The following PHF21B variants were observed in gnomAD, a reference collection of about 807,000 sequenced individuals.
PHF21B encodes the protein PHD finger protein 21B, also known as PHD finger protein 4.
Under a neutral mutation model 62.2 loss-of-function variants are expected in PHF21B, and 22 were observed. That is an observed-to-expected ratio of 0.35 (90% confidence interval 0.25 to 0.51). The LOEUF is 0.51. Ranked by LOEUF, PHF21B falls within the 20% of genes least tolerant of loss-of-function variation. The pLI is 0.97. For missense variants in PHF21B, 701 were observed against 707.9 expected, an observed-to-expected ratio of 0.99 and a Z score of 0.11; for synonymous variants, 341 against 314.7, an observed-to-expected ratio of 1.08 and a Z score of -0.88.
intron 5 of PHF21B, among the ~76,000 whole-genome samples, chr22:44,903,609 G>GT (rs1399580093): frequency 1.3e-5 from 2 of 152,310 alleles, no homozygotes; most frequent in East Asian, 3.9e-4. Flanking sequence ...TCTGATAGAC[G>GT]TGTGTTCAAA....
At chr22:44,997,036 C>G (rs917769820) in intron 2 of PHF21B, among the ~76,000 whole-genome samples, 1 of 152,308 alleles carries the variant, frequency 6.6e-6, no homozygotes, top group Admixed American at 6.5e-5. Context: ...TACCTGTCTC[C>G]CCCCCGAGTC....
At chr22:45,001,797 G>A (rs1210993052) in intron 2 of PHF21B, 1 of 152,250 alleles carries the variant, frequency 6.6e-6, no homozygotes, top group Admixed American at 6.5e-5. Context: ...GATGCCTGGT[G>A]CATGGACTTG....
intron 2 of PHF21B, chr22:44,967,059 A>T (rs945002469): frequency 6.6e-6 from 1 of 152,008 alleles, no homozygotes; most frequent in Non-Finnish European, 1.5e-5. Flanking sequence ...CTGCTTCTCC[A>T]TGGAGAGCCA....
chr22:44,949,600 C>T (rs2072153640), intron 2 of PHF21B, among the ~76,000 whole-genome samples: 1 of 152,202 alleles, frequency 6.6e-6, no homozygotes, highest in Non-Finnish European at 1.5e-5. Flanking sequence ...TCCTATGTCA[C>T]TGAAATATGC....
intron 10 of PHF21B, among the ~76,000 whole-genome samples, chr22:44,887,024 C>T (rs921514985): frequency 1.3e-5 from 2 of 151,682 alleles, no homozygotes; most frequent in Non-Finnish European, 2.9e-5. Flanking sequence ...GGAGTGGTGG[C>T]GCATGCCTGT....
chr22:44,915,630 C>G (rs995232954), intron 4 of PHF21B, among the ~76,000 whole-genome samples: 2 of 152,226 alleles, frequency 1.3e-5, no homozygotes, highest in African/African-American at 4.8e-5. Flanking sequence ...CCGTCAACAT[C>G]CAGGCTGGGG....
chr22:44,918,784 A>G (rs1005879231), intron 3 of PHF21B, among the ~76,000 whole-genome samples: 4 of 152,190 alleles, frequency 2.6e-5, no homozygotes, highest in Non-Finnish European at 5.9e-5. Flanking sequence ...GGCGGAAGGG[A>G]GAGAGGAAGA....
chr22:44,962,857 A>G (rs2072451937), intron 2 of PHF21B, among the ~76,000 whole-genome samples: 4 of 152,142 alleles, frequency 2.6e-5, no homozygotes, highest in Admixed American at 2.6e-4. Flanking sequence ...GCCCCGATGC[A>G]TTTAGAGGCC....
At chr22:44,883,372 C>A in intron 12 of PHF21B, 68 bp from the exon 13 acceptor site, 1 of 1,466,318 alleles carries the variant, frequency 6.8e-7, no homozygotes, top group South Asian at 1.3e-5. Context: ...GGGCAGCCAC[C>A]GTCTGGGCCC....
chr22:44,930,078 A>C (rs940677050), intron 2 of PHF21B, among the ~76,000 whole-genome samples: 1 of 148,810 alleles, frequency 6.7e-6, no homozygotes, highest in Non-Finnish European at 1.5e-5. Flanking sequence ...GGTCACCAAG[A>C]GTGTGGAAGA....
chr22:44,939,657 C>G (rs530251875), intron 2 of PHF21B, among the ~76,000 whole-genome samples: 1 of 152,096 alleles, frequency 6.6e-6, no homozygotes, highest in African/African-American at 2.4e-5. Context: ...CCAGCATCAA[C>G]GAGGAGACCA....
At position 45,009,608 on chromosome 22, in the gene PHF21B, C is replaced by A; in HGVS notation, c.-59G>T. 8 of 1,486,040 alleles carry A rather than the reference C, an allele frequency of 5.4e-6. No homozygotes were observed. The highest frequency in any genetic ancestry group is 7.1e-6 in the Non-Finnish European group (8 of 1,128,148). The allele number at this position is 1,486,040 out of a possible 1,614,324, so 92.1% of individuals were successfully genotyped here. On this transcript the variant is annotated 5_prime_UTR_variant, in exon 1 of 13. Coordinates refer to ENST00000313237, the MANE Select transcript of PHF21B (RefSeq NM_138415.5). The surrounding 1 kb of genome is among the most constrained non-coding windows in gnomAD (Gnocchi z 5.9). The stretch of plus-strand genomic sequence containing the variant: ...TGGCCCGGGCTCCCGGGAAGTTGCG[C>A]GGCTCCGCGGGGGCCAGAGCGGGCG...
rs114468964 is a variant in PHF21B at position 44,910,736 on chromosome 22, A to G, written c.831+3086T>C. 7.9e-3 allele frequency among the ~76,000 whole-genome samples: 1,199 copies of G among 152,324 alleles called. 20 individuals carry two copies. The highest frequency in any genetic ancestry group is 0.028 in the African/African-American group (1,145 of 41,548). On this transcript the variant is annotated intron_variant, in intron 5 of 12. Coordinates refer to ENST00000313237, the MANE Select transcript of PHF21B (RefSeq NM_138415.5). ...CTTTGTAAATTGTCCTGTCTCAGGT[A>G]TGTCTTTATCAGCAGTGTAAAATGG... is the stretch of plus-strand genomic sequence containing the variant.
chr22:44,943,104 C>A (rs2071993850), intron 2 of PHF21B, among the ~76,000 whole-genome samples: 1 of 152,080 alleles, frequency 6.6e-6, no homozygotes, highest in African/African-American at 2.4e-5. Flanking sequence ...CCCAAGCCAG[C>A]CCCTCCTGCC....
Position 45,009,231 on chromosome 22 carries a change from A to AC in PHF21B, c.54+264dup. 1 of 466,054 alleles carries AC rather than the reference A, an allele frequency of 2.1e-6. No homozygotes were observed. The highest frequency in any genetic ancestry group is 3.7e-6 in the Non-Finnish European group (1 of 271,106). 28.9% of individuals were successfully genotyped at this position (466,054 alleles called of 1,614,324 possible). A position where few individuals can be genotyped will look rare whatever the true frequency, so the allele number is the denominator to read the frequency against. On this transcript the variant is annotated intron_variant, in intron 1 of 12. Coordinates refer to ENST00000313237, the MANE Select transcript of PHF21B (RefSeq NM_138415.5). This position sits in a 1 kb window ranked among gnomAD's most constrained non-coding sequence, Gnocchi z 5.9. Reference sequence around the variant, plus strand: ...TCCAGGCACCCTCCCAGTCATGCAGACCCTACATCGCTTAAGAGAAGACTC... The same window carrying AC: ...TCCAGGCACCCTCCCAGTCATGCAGACCCCTACATCGCTTAAGAGAAGACTC...
chr22:44,927,102 G>C (rs1049544663), intron 2 of PHF21B, among the ~76,000 whole-genome samples: 7 of 152,110 alleles, frequency 4.6e-5, no homozygotes, highest in African/African-American at 1.7e-4. Context: ...ACCCAAAGGA[G>C]AGGGACGGAT....
intron 5 of PHF21B, among the ~76,000 whole-genome samples, chr22:44,911,003 G>A (rs900688671): frequency 1.3e-5 from 2 of 152,230 alleles, no homozygotes; most frequent in Non-Finnish European, 2.9e-5. Context: ...ATGGAGACAA[G>A]GAACTTGTTG....
chr22:44,917,513 A>G (rs554869478), intron 3 of PHF21B, among the ~76,000 whole-genome samples: 6 of 152,156 alleles, frequency 3.9e-5, no homozygotes, highest in African/African-American at 9.6e-5. Context: ...CCACGCCAAT[A>G]TTATGCCTTG....
intron 2 of PHF21B, among the ~76,000 whole-genome samples, chr22:44,962,499 T>C (rs1380555538): frequency 1.3e-5 from 2 of 152,226 alleles, no homozygotes; most frequent in Non-Finnish European, 1.5e-5. Context: ...GAGTATCACA[T>C]GGAATAGTGC....
Sources: allele counts gnomAD v4.1 joint callset (sites outside exome capture counted in the v4.1 genomes callset), GRCh38; gene constraint gnomAD v4.1.1; non-coding constraint Gnocchi (gnomAD v3.1); transcripts MANE v1.5; gene names NCBI Gene and HGNC (gene_info 2026-07-23, HGNC 2026-07-21).